The following COL19A1 variants were observed in gnomAD, a reference collection of about 807,000 sequenced individuals.
COL19A1 encodes the protein collagen alpha-1(XIX) chain.
COL19A1 carries 159 observed loss-of-function variants against 190.2 expected under a neutral mutation model. That is an observed-to-expected ratio of 0.84 (90% CI 0.73 to 0.95). COL19A1 has a LOEUF of 0.95. Ranked by LOEUF, COL19A1 falls within the 40% of genes least tolerant of loss-of-function variation. COL19A1 has a pLI of 0.00. For missense variants in COL19A1, 1,418 were observed against 1,431.9 expected (o/e 0.99, Z 0.16); for synonymous variants, 509 against 458.9 (o/e 1.11, Z -1.39).
chr6:69,916,037 C>T (rs149549135), intron 4 of COL19A1, among the ~76,000 whole-genome samples: 3,201 of 150,984 alleles, frequency 0.021, 111 homozygotes, highest in African/African-American at 0.072. Flanking sequence ...CCCAGGTTCA[C>T]GCCATTCTCC....
intron 48 of COL19A1, among the ~76,000 whole-genome samples, chr6:70,197,378 A>G (rs1205017905): frequency 6.6e-6 from 1 of 151,962 alleles, no homozygotes; most frequent in Non-Finnish European, 1.5e-5. Flanking sequence ...AGCTGAGATC[A>G]CGCCACTGCA....
chr6:69,977,838 T>G (rs1179717115), intron 11 of COL19A1, among the ~76,000 whole-genome samples: 2 of 152,158 alleles, frequency 1.3e-5, no homozygotes, highest in African/African-American at 4.8e-5. Context: ...GAACATGAAA[T>G]GTAGCCATTT....
At chr6:69,921,291 CAT>C (rs1229005886) in intron 4 of COL19A1, among the ~76,000 whole-genome samples, 2 of 125,758 alleles carry the variant, frequency 1.6e-5, no homozygotes, top group African/African-American at 6.3e-5. Context: ...TATCATATAT[CAT>C]ATATATCATA....
At chr6:70,178,889 T>C (rs1765987846) in intron 42 of COL19A1, among the ~76,000 whole-genome samples, 2 of 152,192 alleles carry the variant, frequency 1.3e-5, no homozygotes, top group South Asian at 4.1e-4. Context: ...CTGTGAGTGC[T>C]GGTCGTGGGG....
At chr6:70,126,904 G>C (rs1372254094) in intron 17 of COL19A1, among the ~76,000 whole-genome samples, 3 of 152,154 alleles carry the variant, frequency 2.0e-5, no homozygotes, top group African/African-American at 7.2e-5. Context: ...TGTATATTTT[G>C]TTGTCTAAAT....
intron 4 of COL19A1, among the ~76,000 whole-genome samples, chr6:69,908,231 T>A (rs760717343): frequency 3.3e-5 from 5 of 152,230 alleles, no homozygotes; most frequent in Non-Finnish European, 5.9e-5. Flanking sequence ...GATATCGAAG[T>A]GTCTCCTTGC....
In COL19A1 at chr6:70,207,739, C is replaced by T. The variant is rs1767980285; in HGVS notation, c.*465C>T. ...TCTCGTCAACTTTTTTGATATAGTGCATTGCTCCTGTTGAATGTTTTTTGA... is the reference window on the plus strand; with the variant it reads ...TCTCGTCAACTTTTTTGATATAGTGTATTGCTCCTGTTGAATGTTTTTTGA... On this transcript the variant is annotated 3_prime_UTR_variant, in exon 51 of 51. Coordinates refer to ENST00000620364, the MANE Select transcript of COL19A1 (RefSeq NM_001858.6). 6.6e-6 allele frequency: 1 copy of T among 152,162 alleles called. No homozygotes were observed. Among genetic ancestry groups the T allele is most frequent in the African/African-American group, 2.4e-5 (1 of 41,392 alleles). 9.4% of individuals were successfully genotyped at this position (152,162 alleles called of 1,614,324 possible).
chr6:70,089,996 T>C (rs1782805673), intron 15 of COL19A1, among the ~76,000 whole-genome samples: 1 of 152,010 alleles, frequency 6.6e-6, no homozygotes, highest in African/African-American at 2.4e-5. Flanking sequence ...CTGGGCAACA[T>C]AGAGACACCC....
intron 9 of COL19A1, among the ~76,000 whole-genome samples, chr6:69,950,219 C>G (rs1413503926): frequency 6.6e-6 from 1 of 151,748 alleles, no homozygotes; most frequent in Non-Finnish European, 1.5e-5. Context: ...TTTCCTCTGA[C>G]ACCAAGGATA....
In COL19A1 at chr6:69,906,525, G is replaced by A. The variant is rs533953582; in HGVS notation, c.266+6187G>A. Among the ~76,000 whole-genome samples, 12 of 152,260 alleles carry A rather than the reference G, an allele frequency of 7.9e-5. No individual in the cohort carries two copies. The South Asian group carries it at 2.3e-3, about 29-fold the overall frequency. On this transcript the variant is annotated intron_variant, in intron 4 of 50. Coordinates refer to ENST00000620364, the MANE Select transcript of COL19A1 (RefSeq NM_001858.6). Reference sequence around the variant, plus strand: ...GCCTCTCTGAATTAGGATGATTTCTGTAAGCTGGTGGCTTTTGCAATTGAA... The same window carrying A: ...GCCTCTCTGAATTAGGATGATTTCTATAAGCTGGTGGCTTTTGCAATTGAA...
At chr6:70,153,638 G>C (rs555718811) in intron 31 of COL19A1, among the ~76,000 whole-genome samples, 1 of 152,070 alleles carries the variant, frequency 6.6e-6, no homozygotes, top group East Asian at 1.9e-4. Flanking sequence ...CTAAAATGTT[G>C]CTCCATATTG....
At position 70,111,730 on chromosome 6, in the gene COL19A1, G is replaced by A. The variant is rs77305802; in HGVS notation, c.1278+9508G>A. 7.8e-3 allele frequency among the ~76,000 whole-genome samples: 1,185 copies of A among 152,242 alleles called. 5 individuals are homozygous for A. Among genetic ancestry groups the A allele is most frequent in the Middle Eastern group, 0.024 (7 of 294 alleles). On this transcript the variant is annotated intron_variant, in intron 16 of 50. Transcript: ENST00000620364. ...TTTTTAGAACTTTCCTGAGCACACT[G>A]TCTATAACCATGGTGTTCAGCTGAG...
At chr6:69,998,533 C>A (rs1179801242) in intron 11 of COL19A1, among the ~76,000 whole-genome samples, 1 of 150,376 alleles carries the variant, frequency 6.6e-6, no homozygotes, top group Non-Finnish European at 1.5e-5. Flanking sequence ...GTAATCCCAG[C>A]AACTCAGGAG....
At chr6:70,095,274 C>T (rs1473560449) in intron 15 of COL19A1, among the ~76,000 whole-genome samples, 1 of 151,974 alleles carries the variant, frequency 6.6e-6, no homozygotes, top group Non-Finnish European at 1.5e-5. Context: ...TTTATTTCTA[C>T]CTCTAATGGG....
intron 2 of COL19A1, among the ~76,000 whole-genome samples, chr6:69,896,260 G>T (rs940155601): frequency 2.0e-5 from 3 of 152,032 alleles, no homozygotes; most frequent in African/African-American, 7.3e-5. Flanking sequence ...CAAACAGGCC[G>T]GGCGCGGTGG....
chr6:70,016,707 A>G (rs1778130090), intron 11 of COL19A1, among the ~76,000 whole-genome samples: 1 of 152,074 alleles, frequency 6.6e-6, no homozygotes, highest in Admixed American at 6.6e-5. Flanking sequence ...CAAACTAAAA[A>G]TGGAAAAAAG....
At chr6:69,936,952 A>T (rs1013915072) in intron 8 of COL19A1, 42 bp downstream of exon 8, 1 of 1,603,874 alleles carries the variant, frequency 6.2e-7, no homozygotes, top group Middle Eastern at 1.7e-4. Flanking sequence ...GCCACTCCAG[A>T]CTATGAGCCC....
chr6:70,125,924 A>G (rs1785166312), intron 17 of COL19A1, among the ~76,000 whole-genome samples: 1 of 152,216 alleles, frequency 6.6e-6, no homozygotes, highest in African/African-American at 2.4e-5. Context: ...TACTGAAGCC[A>G]TCAGACCCAC....
intron 11 of COL19A1, among the ~76,000 whole-genome samples, chr6:70,003,292 A>G (rs749672201): frequency 9.2e-5 from 14 of 152,170 alleles, no homozygotes; most frequent in Non-Finnish European, 1.8e-4. Flanking sequence ...ACTTCCAATT[A>G]TGTGGTTGAT....
Sources: gnomAD v4.1 joint callset for allele counts (sites outside exome capture counted in the v4.1 genomes callset) on GRCh38, gnomAD v4.1.1 for gene constraint, MANE v1.5 for transcripts, NCBI Gene and HGNC (gene_info 2026-07-23, HGNC 2026-07-21) for gene names.